KIRREL3: variants seen among roughly 807,000 people sequenced by gnomAD.
KIRREL3 encodes the protein kirre like nephrin family adhesion molecule 3.
KIRREL3 carries 36 observed loss-of-function variants against 89.7 expected under a neutral mutation model. That is an observed-to-expected ratio of 0.40 (90% CI 0.31 to 0.53). KIRREL3 has a LOEUF of 0.53. Ranked by LOEUF, KIRREL3 falls within the 20% of genes least tolerant of loss-of-function variation. KIRREL3 has a pLI of 0.49. For missense variants in KIRREL3, 864 were observed against 1,056.6 expected (o/e 0.82, Z 2.53); for synonymous variants, 445 against 441.4 (o/e 1.01, Z -0.10).
At chr11:126,560,138 G>A (rs1008791287) in intron 2 of KIRREL3, among the ~76,000 whole-genome samples, 2 of 152,202 alleles carry the variant, frequency 1.3e-5, no homozygotes, top group African/African-American at 4.8e-5. Context: ...ATCACATGAA[G>A]ACAATGATCT....
chr11:126,605,713 C>T lies in KIRREL3; in HGVS notation c.56-42801G>A, dbSNP rs1392401492. ...CCGTCATGCTGGGCCTGGAGCTGTG[C>T]GTCCCGCCTGAGTTGAGTAGGGATG... On this transcript the variant is annotated intron_variant, in intron 1 of 16. Coordinates refer to ENST00000525144, the MANE Select transcript of KIRREL3 (RefSeq NM_032531.4). The surrounding 1 kb of genome is among the most constrained non-coding windows in gnomAD (Gnocchi z 5.7). Among the ~76,000 whole-genome samples the T allele has an allele frequency of 1.3e-5, 2 of 152,164 alleles. No homozygotes were observed. The highest frequency in any genetic ancestry group is 1.9e-4 in the East Asian group (1 of 5,190).
At chr11:126,442,755 G>GT (rs1041217327) in intron 10 of KIRREL3, among the ~76,000 whole-genome samples, 3 of 152,242 alleles carry the variant, frequency 2.0e-5, no homozygotes, top group Non-Finnish European at 4.4e-5. Flanking sequence ...GGCAGGTCTG[G>GT]TGCGCTCCCC....
chr11:126,712,706 C>G, intron 1 of KIRREL3, among the ~76,000 whole-genome samples: 1 of 152,238 alleles, frequency 6.6e-6, no homozygotes, highest in Middle Eastern at 3.4e-3. Context: ...TACTGTGGCC[C>G]TCTGAGGTTG....
In KIRREL3 at chr11:126,553,183, G is replaced by C. The variant is rs1248112800; in HGVS notation, c.133+9652C>G. Among the ~76,000 whole-genome samples, 3 of 152,154 alleles carry C rather than the reference G, an allele frequency of 2.0e-5. No homozygotes were observed. The highest frequency in any genetic ancestry group is 7.2e-5 in the African/African-American group (3 of 41,438). On this transcript the variant is annotated intron_variant, in intron 2 of 16. Transcript: ENST00000525144. The surrounding 1 kb of genome is among the most constrained non-coding windows in gnomAD (Gnocchi z 4.7). Reference sequence around the variant, plus strand: ...TAAGGAGATCTCTCTGACCATTGCTGGACATTATGGGCTTACAGTGTGTCC... The same window carrying C: ...TAAGGAGATCTCTCTGACCATTGCTCGACATTATGGGCTTACAGTGTGTCC...
In KIRREL3 at chr11:126,477,583, C is replaced by T. The variant is rs1957101615; in HGVS notation, c.434-4117G>A. The stretch of plus-strand genomic sequence containing the variant: ...GTAAAGCTTTCATCTATTTCACGCA[C>T]TAAGGTTCTCTCTAACCTCTATACT... On this transcript the variant is annotated intron_variant, in intron 4 of 16. Coordinates refer to ENST00000525144, the MANE Select transcript of KIRREL3 (RefSeq NM_032531.4). This position sits in a 1 kb window ranked among gnomAD's most constrained non-coding sequence, Gnocchi z 4.8. Among the ~76,000 whole-genome samples the T allele has an allele frequency of 6.6e-6, 1 of 152,214 alleles. No homozygotes were observed. Among genetic ancestry groups the T allele is most frequent in the Admixed American group, 6.5e-5 (1 of 15,274 alleles).
intron 2 of KIRREL3, among the ~76,000 whole-genome samples, chr11:126,552,558 T>TTTG (rs1939361058): frequency 1.3e-5 from 1 of 75,282 alleles, no homozygotes. Context: ...AAGTTTTTTT[T>TTTG]TTTTTTTTTT....
chr11:126,563,029 T>C lies in KIRREL3; in HGVS notation c.56-117A>G. On this transcript the variant is annotated intron_variant, in intron 1 of 16. Transcript: ENST00000525144. The surrounding 1 kb of genome is among the most constrained non-coding windows in gnomAD (Gnocchi z 6.8). The stretch of plus-strand genomic sequence containing the variant: ...TCTTATAAACAGAGGTGCTTTTGTT[T>C]AGCCAACATTTATATGGAAATTGTT... 1 of 607,530 alleles carries C rather than the reference T, an allele frequency of 1.6e-6. No homozygotes were observed. The highest frequency in any genetic ancestry group is 2.9e-6 in the Non-Finnish European group (1 of 349,454). The allele number at this position is 607,530 out of a possible 1,614,324, so 37.6% of individuals were successfully genotyped here. A position where few individuals can be genotyped will look rare whatever the true frequency, so the allele number is the denominator to read the frequency against.
intron 1 of KIRREL3, among the ~76,000 whole-genome samples, chr11:126,829,996 C>T (rs1943554534): frequency 6.6e-6 from 1 of 152,172 alleles, no homozygotes; most frequent in African/African-American, 2.4e-5. Context: ...CAATCTGCCT[C>T]TTTTGTTTTT....
At chr11:126,567,243 C>A (rs371075916) in intron 1 of KIRREL3, among the ~76,000 whole-genome samples, 3 of 152,178 alleles carry the variant, frequency 2.0e-5, no homozygotes, top group Non-Finnish European at 2.9e-5. Flanking sequence ...TAGGACGGAC[C>A]TTTATCCTGT....
chr11:126,502,481 G>A (rs1048624375), intron 4 of KIRREL3, among the ~76,000 whole-genome samples: 3 of 152,228 alleles, frequency 2.0e-5, no homozygotes, highest in African/African-American at 7.2e-5. Flanking sequence ...GGTTCACAGC[G>A]AGTGCTAAAA....
chr11:126,923,464 G>C (rs1312505915), intron 1 of KIRREL3, among the ~76,000 whole-genome samples: 1 of 97,488 alleles, frequency 1.0e-5, no homozygotes, highest in African/African-American at 4.0e-5. Flanking sequence ...TTTTTTTTGA[G>C]ACAGAGTCTC....
chr11:126,448,428 T>G (rs73031009), intron 8 of KIRREL3, among the ~76,000 whole-genome samples: 2,775 of 152,256 alleles, frequency 0.018, 38 homozygotes, highest in South Asian at 0.046. Flanking sequence ...CTGTGTGACC[T>G]CAGACCTCCA....
In KIRREL3 at chr11:126,867,537, C is replaced by G. The variant is rs1944965442; in HGVS notation, c.55+132918G>C. Among the ~76,000 whole-genome samples the G allele has an allele frequency of 6.6e-6, 1 of 152,206 alleles. No individual in the cohort carries two copies. Among genetic ancestry groups the G allele is most frequent in the Admixed American group, 6.5e-5 (1 of 15,288 alleles). Reference sequence around the variant, plus strand: ...GTCACTTCCCCAAACTTCCATAGCACTTCAAGTCAGCAATGACTGGGATTA... The same window carrying G: ...GTCACTTCCCCAAACTTCCATAGCAGTTCAAGTCAGCAATGACTGGGATTA... On this transcript the variant is annotated intron_variant, in intron 1 of 16. Transcript: ENST00000525144. This position sits in a 1 kb window ranked among gnomAD's most constrained non-coding sequence, Gnocchi z 4.7.
At chr11:126,567,949 C>T (rs1321691974) in intron 1 of KIRREL3, among the ~76,000 whole-genome samples, 1 of 152,104 alleles carries the variant, frequency 6.6e-6, no homozygotes, top group Non-Finnish European at 1.5e-5. Flanking sequence ...TTGTAGAAGG[C>T]CTTCCTGTCC....
intron 1 of KIRREL3, among the ~76,000 whole-genome samples, chr11:126,929,136 G>A (rs189749662): frequency 1.2e-3 from 183 of 152,314 alleles, no homozygotes; most frequent in Non-Finnish European, 1.8e-3. Flanking sequence ...ACTGAGCGTG[G>A]TCAGAGGGAG....
Position 126,997,894 on chromosome 11 carries a change from C to T in KIRREL3, c.55+2561G>A, listed in dbSNP as rs767911887. On this transcript the variant is annotated intron_variant, in intron 1 of 16. Coordinates refer to ENST00000525144, the MANE Select transcript of KIRREL3 (RefSeq NM_032531.4). This position sits in a 1 kb window ranked among gnomAD's most constrained non-coding sequence, Gnocchi z 4.3. ...AAAAACAACCCTGGACATTTGTTGT[C>T]TCTGAGGGAAAGGCCATCCCCTGGG... Among the ~76,000 whole-genome samples the T allele has an allele frequency of 1.3e-5, 2 of 152,146 alleles. No individual in the cohort carries two copies. The highest frequency in any genetic ancestry group is 2.9e-5 in the Non-Finnish European group (2 of 68,034).
rs1418982391 is a variant in KIRREL3, at chr11:126,575,285, T to C, written c.56-12373A>G. Among the ~76,000 whole-genome samples, 1 of 152,150 alleles carries C rather than the reference T, an allele frequency of 6.6e-6. No individual in the cohort carries two copies. Among genetic ancestry groups the C allele is most frequent in the Non-Finnish European group, 1.5e-5 (1 of 68,020 alleles). ...GCCAAGAGAAGCCAGCCTAGGAAGG[T>C]TGGACCATTGATCCCACAGCCCTGG... On this transcript the variant is annotated intron_variant, in intron 1 of 16. Transcript: ENST00000525144. The surrounding 1 kb of genome is among the most constrained non-coding windows in gnomAD (Gnocchi z 7.0).
At chr11:126,869,879 C>T (rs992276877) in intron 1 of KIRREL3, among the ~76,000 whole-genome samples, 6 of 152,338 alleles carry the variant, frequency 3.9e-5, no homozygotes, top group Admixed American at 3.9e-4. Context: ...CAGTGCCTTT[C>T]TCTGGCTTCC....
chr11:126,517,134 GAAAGAGA>G (rs780960427), intron 4 of KIRREL3, among the ~76,000 whole-genome samples: 323 of 124,356 alleles, frequency 2.6e-3, no homozygotes, highest in South Asian at 9.4e-3. Context: ...GAGAGAGAGA[GAAAGAGA>G]GAGAGAGAGA....
Sources: gnomAD v4.1 joint callset for allele counts (sites outside exome capture counted in the v4.1 genomes callset) on GRCh38, gnomAD v4.1.1 for gene constraint, Gnocchi (gnomAD v3.1) non-coding constraint, MANE v1.5 for transcripts, NCBI Gene and HGNC (gene_info 2026-07-23, HGNC 2026-07-21) for gene names.